Variants in ADPRHL1 observed in about 807,000 individuals in gnomAD.
ADPRHL1 encodes the protein ADP-ribosylhydrolase like 1.
ADPRHL1 carries 43 observed loss-of-function variants against 44.1 expected under a neutral mutation model. The observed-to-expected ratio is 0.98, with a 90% CI of 0.76 to 1.26. The LOEUF (loss-of-function observed/expected upper bound fraction) is 1.26. Among genes scored for constraint, ADPRHL1 ranks in the 50% most tolerant of loss-of-function variants. ADPRHL1 has a pLI of 0.00. For missense variants in ADPRHL1, 2,022 were observed against 2,496.9 expected, an observed-to-expected ratio of 0.81 and a Z score of 4.05; for synonymous variants, 878 against 1,017.4, an observed-to-expected ratio of 0.86 and a Z score of 2.61.
chr13:113,424,786 A>C, intron 5 of ADPRHL1, among the ~76,000 whole-genome samples: 1 of 47,816 alleles, frequency 2.1e-5, no homozygotes, highest in Admixed American at 2.2e-4. Context: ...CCAACCACCC[A>C]TCCATATACC....
At chr13:113,437,926 G>A (rs554530330) in intron 2 of ADPRHL1, among the ~76,000 whole-genome samples, 1 of 152,210 alleles carries the variant, frequency 6.6e-6, no homozygotes, top group Non-Finnish European at 1.5e-5. Flanking sequence ...CGCCTGCCAG[G>A]TTCAAGCAGT....
chr13:113,424,378 G>A, intron 5 of ADPRHL1, 29 bp from the exon 6 acceptor site: 2 of 1,612,096 alleles, frequency 1.2e-6, no homozygotes, highest in South Asian at 1.1e-5. Flanking sequence ...GTCGGGGCGT[G>A]TGCCCAAGTG....
At position 113,400,199 on chromosome 13, in the gene ADPRHL1, G is replaced by A. The variant is rs1422810653; in HGVS notation, c.*3179C>T. The A allele has an allele frequency of 7.0e-6, 1 of 142,920 alleles. No individual in the cohort carries two copies. Among genetic ancestry groups the A allele is most frequent in the African/African-American group, 2.6e-5 (1 of 38,312 alleles). 8.9% of individuals were successfully genotyped at this position (142,920 alleles called of 1,614,324 possible). A position where few individuals can be genotyped will look rare whatever the true frequency, so the allele number is the denominator to read the frequency against. On this transcript the variant is annotated 3_prime_UTR_variant, in exon 8 of 8. Transcript: ENST00000612156. ...CTCGCTCTGTCACCCAGGCTGGAGT[G>A]CAGTGGCGCAATCTCGGCTCACTGC...
intron 7 of ADPRHL1, among the ~76,000 whole-genome samples, chr13:113,416,087 G>A (rs958849605): frequency 1.3e-5 from 2 of 151,626 alleles, no homozygotes; most frequent in African/African-American, 4.9e-5. Context: ...AGCAGCTTCT[G>A]AGCATCATTG....
At position 113,407,018 on chromosome 13, in the gene ADPRHL1, A is replaced by G. The variant is rs1335906248; in HGVS notation, c.2264T>C (p.Val755Ala). The G allele has an allele frequency of 6.5e-6, 8 of 1,232,064 alleles. No individual in the cohort carries two copies. The East Asian group carries it at 1.3e-4, about 19-fold the overall frequency. The allele number at this position is 1,232,064 out of a possible 1,614,324, so 76.3% of individuals were successfully genotyped here. A position where few individuals can be genotyped will look rare whatever the true frequency, so the allele number is the denominator to read the frequency against. Residue 755 changes from valine to alanine, a missense_variant, in exon 8 of 8, where the codon GTC becomes GCC. By Grantham distance (64) the Val-to-Ala change is moderately conservative. Around this residue, in one of 8 missense-constraint regions of ADPRHL1, gnomAD observed 1,221 missense variants for 1,517.8 expected, o/e 0.80. Coordinates refer to ENST00000612156, the MANE Select transcript of ADPRHL1 (RefSeq NM_001394807.1). The stretch of plus-strand genomic sequence containing the variant: ...GAGCCTGGCTCCCCTCACCTCCTGG[A>G]CGCCTCCTGCGGTGCTCTCTGCGGT... ...DPTAESTAGG[V>A]QEVRGARLTW... is the part of the protein sequence containing the mutation.
chr13:113,425,289 C>G (rs1354172854), intron 4 of ADPRHL1, 110 bp from the exon 5 acceptor site: 1 of 1,111,036 alleles, frequency 9.0e-7, no homozygotes, highest in African/African-American at 1.6e-5. Flanking sequence ...GGGGAAGTGG[C>G]AATGCCCCCT....
At chr13:113,420,707 G>A (rs1566470549) in intron 7 of ADPRHL1, among the ~76,000 whole-genome samples, 1 of 151,982 alleles carries the variant, frequency 6.6e-6, no homozygotes, top group African/African-American at 2.4e-5. Context: ...CCAGTTATTC[G>A]GAAGCTCAGC....
chr13:113,417,318 G>T (rs778998119), intron 7 of ADPRHL1, among the ~76,000 whole-genome samples: 16 of 152,242 alleles, frequency 1.1e-4, no homozygotes, highest in Non-Finnish European at 1.9e-4. Flanking sequence ...CCAGAGTGGG[G>T]GGTCCTGGGC....
intron 7 of ADPRHL1, among the ~76,000 whole-genome samples, chr13:113,412,330 A>G (rs1223352557): frequency 1.3e-5 from 2 of 152,100 alleles, no homozygotes; most frequent in Non-Finnish European, 2.9e-5. Flanking sequence ...GGCGCCCGCC[A>G]CCACGCCCGG....
At chr13:113,439,627 T>C (rs2139643527) in intron 2 of ADPRHL1, among the ~76,000 whole-genome samples, 1 of 151,560 alleles carries the variant, frequency 6.6e-6, no homozygotes, top group South Asian at 2.1e-4. Flanking sequence ...TTTGTATTTT[T>C]AGTAGAGACA....
chr13:113,424,124 C>T (rs552680005), intron 6 of ADPRHL1, 93 bp downstream of exon 6: 16 of 1,508,532 alleles, frequency 1.1e-5, no homozygotes, highest in South Asian at 6.6e-5. Flanking sequence ...GAGGTGGCCC[C>T]TGAATGCCTG....
chr13:113,408,568 A>C (rs1325224048), intron 7 of ADPRHL1, among the ~76,000 whole-genome samples: 1 of 152,236 alleles, frequency 6.6e-6, no homozygotes, highest in Non-Finnish European at 1.5e-5. Context: ...ATTTTAACAA[A>C]CATACTTTGC....
chr13:113,450,280 A>T (rs2044169913), intron 1 of ADPRHL1, among the ~76,000 whole-genome samples: 1 of 152,166 alleles, frequency 6.6e-6, no homozygotes, highest in Non-Finnish European at 1.5e-5. Flanking sequence ...TATTTAAAGA[A>T]CAAAGATAAA....
intron 1 of ADPRHL1, among the ~76,000 whole-genome samples, chr13:113,452,217 A>T (rs1161063047): frequency 6.6e-6 from 1 of 152,154 alleles, no homozygotes; most frequent in Non-Finnish European, 1.5e-5. Context: ...GGAAAACCAG[A>T]AGCAGGAGCT....
rs374406687 is a variant in ADPRHL1 at position 113,424,330 on chromosome 13, G to C, written c.794C>G (p.Ser265Trp). The C allele has an allele frequency of 8.7e-6, 14 of 1,612,608 alleles. No homozygotes were observed. The highest frequency in any genetic ancestry group is 4.5e-5 in the East Asian group (2 of 44,880). The part of the protein sequence containing the change: ...EREKTYRKWS[S>W]EGRGGRRGHD... Reference sequence around the variant, plus strand: ...GCCTCGTCTTCCCCCTCGACCTTCCGAGCTCCACTTCCTGTAGGTCTGACA... The same window carrying C: ...GCCTCGTCTTCCCCCTCGACCTTCCCAGCTCCACTTCCTGTAGGTCTGACA... Residue 265 changes from serine (S) to tryptophan (W), a missense_variant, in exon 6 of 8, where the codon TCG becomes TGG. By Grantham distance (177) the Ser-to-Trp change is radical (BLOSUM62 -3). This residue lies in a region of ADPRHL1 where 437 missense variants were observed against 430.7 expected (regional missense o/e 1.01). Coordinates refer to ENST00000612156, the MANE Select transcript of ADPRHL1 (RefSeq NM_001394807.1).
intron 1 of ADPRHL1, among the ~76,000 whole-genome samples, chr13:113,446,592 GTGCACAGTGTTATCCACA>G (rs1164200393): frequency 6.6e-6 from 1 of 151,994 alleles, no homozygotes; most frequent in African/African-American, 2.4e-5. Context: ...GTTGTCTTAT[GTGCACAGTGTTATCCACA>G]TGCACAGTGT....
At chr13:113,419,994 G>A (rs955306970) in intron 7 of ADPRHL1, among the ~76,000 whole-genome samples, 21 of 152,098 alleles carry the variant, frequency 1.4e-4, no homozygotes, top group African/African-American at 3.9e-4. Context: ...CACACAGCTC[G>A]GGGGGTGTGT....
chr13:113,450,952 ACC>A (rs59128545), intron 1 of ADPRHL1, among the ~76,000 whole-genome samples: 2,839 of 127,834 alleles, frequency 0.022, 57 homozygotes, highest in Middle Eastern at 0.029. Flanking sequence ...GGAAAGGGAG[ACC>A]CCCCCCCCCT....
At chr13:113,446,985 G>A (rs1004698149) in intron 1 of ADPRHL1, among the ~76,000 whole-genome samples, 1 of 144,282 alleles carries the variant, frequency 6.9e-6, no homozygotes, top group African/African-American at 2.6e-5. Flanking sequence ...CTACATGCAC[G>A]GTGTTGTGTG....
Sources: gnomAD v4.1 joint callset for allele counts (sites outside exome capture counted in the v4.1 genomes callset) on GRCh38, gnomAD v4.1.1 for gene constraint, gnomAD v4.1.1 regional missense constraint, MANE v1.5 for transcripts, NCBI Gene and HGNC (gene_info 2026-07-23, HGNC 2026-07-21) for gene names.